PDPK1: variants seen among roughly 807,000 people sequenced by gnomAD.
The protein encoded by PDPK1 is 3-phosphoinositide dependent protein kinase 1.
A neutral mutation model predicts 39.8 loss-of-function variants in PDPK1; 7 were observed. That is an observed-to-expected ratio of 0.18 (90% CI 0.10 to 0.33). PDPK1 has a LOEUF of 0.33. Among genes scored for constraint, PDPK1 ranks in the 10% least tolerant of loss-of-function variants. The pLI is 1.00. For synonymous variants in PDPK1, 118 were observed against 159.1 expected, an observed-to-expected ratio of 0.74 and a Z score of 1.95; for missense variants, 182 against 384.7, an observed-to-expected ratio of 0.47 and a Z score of 4.41.
rs1332488687 is a variant in PDPK1 at position 2,538,578 on chromosome 16, C to T, written c.24+442C>T. The T allele has an allele frequency of 1.1e-4, 142 of 1,277,286 alleles. 2 individuals are homozygous for T. In the Admixed American group the frequency reaches 2.1e-3, roughly 19 times the overall value. The allele number at this position is 1,277,286 out of a possible 1,614,324, so 79.1% of individuals were successfully genotyped here. Reference sequence around the variant, plus strand: ...GCGAGAGAAGCAGAAGGTGCAAGTTCTTGCTGAAAGCACCTGATGCTCCTG... The same window carrying T: ...GCGAGAGAAGCAGAAGGTGCAAGTTTTTGCTGAAAGCACCTGATGCTCCTG... On this transcript the variant is annotated intron_variant, in intron 1 of 13. Coordinates refer to ENST00000342085, the MANE Select transcript of PDPK1 (RefSeq NM_002613.5).
intron 7 of PDPK1, chr16:2,578,791 G>C: frequency 1.1e-4 from 1 of 8,744 alleles, no homozygotes; most frequent in East Asian, 6.1e-3. Flanking sequence ...AGGAAAAACT[G>C]TGGGAGGTGG....
chr16:2,545,551 G>T (rs185941309), intron 1 of PDPK1, among the ~76,000 whole-genome samples: 1 of 152,152 alleles, frequency 6.6e-6, no homozygotes, highest in East Asian at 1.9e-4. Context: ...CTGGAGTGCA[G>T]TGGTGTGATG....
At chr16:2,545,136 A>G (rs775469869) in intron 1 of PDPK1, among the ~76,000 whole-genome samples, 1 of 150,154 alleles carries the variant, frequency 6.7e-6, no homozygotes, top group Non-Finnish European at 1.5e-5. Flanking sequence ...TTCTGGGTTC[A>G]AGTGATTCTC....
Position 2,601,095 on chromosome 16 carries a change from ATCT to A in PDPK1, c.*3332_*3334del, listed in dbSNP as rs2067206229. 4.3e-6 allele frequency: 1 copy of A among 232,850 alleles called. No homozygotes were observed. The highest frequency in any genetic ancestry group is 1.8e-4 in the South Asian group (1 of 5,522). 14.4% of individuals were successfully genotyped at this position (232,850 alleles called of 1,614,324 possible). ...TAATGCTGTGATGAATATCTTTAAA[ATCT>A]TCTGATTTCTTACTTTTTTCCCCCT... On this transcript the variant is annotated 3_prime_UTR_variant, in exon 14 of 14. Transcript: ENST00000342085.
Position 2,597,173 on chromosome 16 carries a change from A to G in PDPK1, c.1452A>G (p.Leu484=), listed in dbSNP as rs771291308. Residue 484 remains leucine (L), a synonymous_variant, in exon 13 of 14, where the codon TTA becomes TTG. Coordinates refer to ENST00000342085, the MANE Select transcript of PDPK1 (RefSeq NM_002613.5). This position sits in a 1 kb window ranked among gnomAD's most constrained non-coding sequence, Gnocchi z 6.3. ...TGTTGCTCACAGAAGGACCACATTT[A>G]TATTATGTGGATCCTGTCAACAAAG... ...RQLLLTEGPH[L]YYVDPVNKVL... 2 of 1,585,574 alleles carry G rather than the reference A, an allele frequency of 1.3e-6. No homozygotes were observed. Among genetic ancestry groups the G allele is most frequent in the Admixed American group, 3.4e-5 (2 of 59,054 alleles).
intron 7 of PDPK1, among the ~76,000 whole-genome samples, chr16:2,577,785 C>G (rs1356097469): frequency 6.7e-6 from 1 of 149,562 alleles, no homozygotes; most frequent in East Asian, 2.0e-4. Context: ...TGTCTCCAGA[C>G]TGGAGTGCAG....
chr16:2,552,146 T>TA (rs530435966), intron 1 of PDPK1, among the ~76,000 whole-genome samples: 35 of 150,550 alleles, frequency 2.3e-4, no homozygotes, highest in African/African-American at 7.6e-4. Flanking sequence ...TTTTTATATA[T>TA]TTTTTTGTAG....
intron 11 of PDPK1, among the ~76,000 whole-genome samples, 183 bp from the exon 12 acceptor site, chr16:2,595,610 C>T (rs139815272): frequency 2.6e-5 from 4 of 152,300 alleles, no homozygotes; most frequent in African/African-American, 4.8e-5. Flanking sequence ...GATTAAGGCT[C>T]TCTGCGTGGC....
At chr16:2,552,042 C>G (rs571727318) in intron 1 of PDPK1, among the ~76,000 whole-genome samples, 7 of 151,316 alleles carry the variant, frequency 4.6e-5, no homozygotes, top group African/African-American at 1.7e-4. Flanking sequence ...CTGTGTTGCC[C>G]AGGCTAGTGT....
intron 10 of PDPK1, 42 bp from the exon 11 acceptor site, chr16:2,586,634 G>C: frequency 6.4e-7 from 1 of 1,560,120 alleles, no homozygotes; most frequent in East Asian, 2.2e-5. Context: ...GACCTTAGAG[G>C]CAAGTGAAGG....
At chr16:2,586,114 C>T (rs1215838844) in intron 10 of PDPK1, among the ~76,000 whole-genome samples, 1 of 152,242 alleles carries the variant, frequency 6.6e-6, no homozygotes, top group Non-Finnish European at 1.5e-5. Flanking sequence ...GAGTAACAGG[C>T]AGCGTTATCT....
chr16:2,546,162 C>A (rs1308729077), intron 1 of PDPK1, among the ~76,000 whole-genome samples: 1 of 151,910 alleles, frequency 6.6e-6, no homozygotes, highest in African/African-American at 2.4e-5. Flanking sequence ...CGGCTCACTG[C>A]AACCTCTGCC....
intron 1 of PDPK1, chr16:2,539,574 C>A (rs760274764): frequency 6.6e-6 from 1 of 152,074 alleles, no homozygotes; most frequent in Non-Finnish European, 1.5e-5. Context: ...TGTAGAGATG[C>A]GTGTTAAGGA....
intron 1 of PDPK1, among the ~76,000 whole-genome samples, chr16:2,540,678 A>G (rs1036662687): frequency 2.6e-5 from 4 of 152,142 alleles, no homozygotes; most frequent in African/African-American, 7.2e-5. Flanking sequence ...CAGATGGCTG[A>G]ACTCTGTGAC....
intron 11 of PDPK1, among the ~76,000 whole-genome samples, chr16:2,590,387 C>T (rs954511028): frequency 2.0e-5 from 3 of 152,204 alleles, no homozygotes; most frequent in Non-Finnish European, 2.9e-5. Context: ...CACTCACCCA[C>T]AGGAAGAGAG....
intron 11 of PDPK1, chr16:2,592,913 C>T (rs767414098): frequency 6.6e-6 from 3 of 456,680 alleles, no homozygotes; most frequent in Non-Finnish European, 1.3e-5. Flanking sequence ...GGGGCCCTTG[C>T]CTGCCTCCCC....
rs1437673309 is a variant in PDPK1, at chr16:2,602,049, C to T, written c.*4282C>T. The T allele has an allele frequency of 2.1e-5, 5 of 234,386 alleles. No individual in the cohort carries two copies. Among genetic ancestry groups the T allele is most frequent in the Non-Finnish European group, 3.4e-5 (4 of 117,898 alleles). 14.5% of individuals were successfully genotyped at this position (234,386 alleles called of 1,614,324 possible). On this transcript the variant is annotated 3_prime_UTR_variant, in exon 14 of 14. Coordinates refer to ENST00000342085, the MANE Select transcript of PDPK1 (RefSeq NM_002613.5). ...CTGAAGCCTGAGGGCCCCCCCTTGC[C>T]TGGCTGGTTGACAGACCCGGGGTGG...
At position 2,598,436 on chromosome 16, in the gene PDPK1, T is replaced by TGA. The variant is rs1567173471; in HGVS notation, c.*670_*671insAG. The stretch of plus-strand genomic sequence containing the variant: ...TTGCGTGGTGAGGAGCGGGAGGGGT[T>TGA]GGAGTGGTGCGGGAGCAGGCTGCCG... On this transcript the variant is annotated 3_prime_UTR_variant, in exon 14 of 14. Coordinates refer to ENST00000342085, the MANE Select transcript of PDPK1 (RefSeq NM_002613.5). The TGA allele has an allele frequency of 4.3e-6, 1 of 234,124 alleles. No individual in the cohort carries two copies. The allele number at this position is 234,124 out of a possible 1,614,324, so 14.5% of individuals were successfully genotyped here.
chr16:2,586,937 G>C (rs767591694), intron 11 of PDPK1, 44 bp downstream of exon 11: 3 of 1,535,562 alleles, frequency 2.0e-6, no homozygotes, highest in Non-Finnish European at 1.8e-6. Context: ...CAGAATTGCA[G>C]CGTGAACACG....
Sources: gnomAD v4.1 joint callset for allele counts (sites outside exome capture counted in the v4.1 genomes callset) on GRCh38, gnomAD v4.1.1 for gene constraint, Gnocchi (gnomAD v3.1) non-coding constraint, MANE v1.5 for transcripts, NCBI Gene and HGNC (gene_info 2026-07-23, HGNC 2026-07-21) for gene names.